FHIT: variants seen among roughly 807,000 people sequenced by gnomAD.
FHIT encodes the protein fragile histidine triad diadenosine triphosphatase, also known as bis(5'-adenosyl)-triphosphatase.
A neutral mutation model predicts 17.9 loss-of-function variants in FHIT; 19 were observed. The ratio of observed to expected loss-of-function variants is 1.06; its 90% CI spans 0.74 to 1.56. FHIT has a LOEUF of 1.56. Among genes scored for constraint, FHIT ranks in the 40% most tolerant of loss-of-function variants. The pLI is 0.00. For missense variants in FHIT, 248 were observed against 189.2 expected (o/e 1.31, Z -1.82); for synonymous variants, 81 against 69.7 (o/e 1.16, Z -0.81).
intron 4 of FHIT, among the ~76,000 whole-genome samples, chr3:60,581,897 A>G (rs1182218082): frequency 1.3e-5 from 2 of 152,100 alleles, no homozygotes; most frequent in Non-Finnish European, 2.9e-5. Flanking sequence ...AGATTGGATC[A>G]GTAAATTTCC....
intron 5 of FHIT, chr3:60,077,313 C>G (rs879851650): frequency 8.6e-5 from 13 of 151,816 alleles, no homozygotes; most frequent in Non-Finnish European, 1.8e-4. Context: ...GCATGTATTG[C>G]CTACCTCTAC....
chr3:60,073,790 A>T (rs1406251599), intron 5 of FHIT, among the ~76,000 whole-genome samples: 1 of 152,102 alleles, frequency 6.6e-6, no homozygotes, highest in Non-Finnish European at 1.5e-5. Flanking sequence ...TTGTAATATT[A>T]TTCTCAGCTG....
intron 5 of FHIT, among the ~76,000 whole-genome samples, chr3:60,235,598 C>T (rs565050542): frequency 2.6e-5 from 4 of 152,252 alleles, no homozygotes; most frequent in South Asian, 2.1e-4. Flanking sequence ...ACATTGTATA[C>T]AGACTCAGAC....
At chr3:60,443,048 G>C (rs1345382395) in intron 5 of FHIT, among the ~76,000 whole-genome samples, 2 of 152,126 alleles carry the variant, frequency 1.3e-5, no homozygotes, top group Non-Finnish European at 2.9e-5. Context: ...GTGAATGGGA[G>C]TTCACTCATG....
At chr3:60,594,952 A>T (rs2038210074) in intron 4 of FHIT, among the ~76,000 whole-genome samples, 1 of 151,966 alleles carries the variant, frequency 6.6e-6, no homozygotes, top group Admixed American at 6.6e-5. Flanking sequence ...TTTCCTCATT[A>T]TTTCTATTCC....
At chr3:59,945,494 CT>C (rs1338491487) in intron 7 of FHIT, among the ~76,000 whole-genome samples, 1 of 148,954 alleles carries the variant, frequency 6.7e-6, no homozygotes, top group Non-Finnish European at 1.5e-5. Flanking sequence ...TTGATAGTTT[CT>C]TTTGCTATGC....
intron 5 of FHIT, among the ~76,000 whole-genome samples, chr3:60,052,410 T>A (rs1010223173): frequency 6.6e-6 from 1 of 152,158 alleles, no homozygotes; most frequent in Admixed American, 6.6e-5. Context: ...GCAAATGTAC[T>A]TCTTGGTAAC....
intron 5 of FHIT, among the ~76,000 whole-genome samples, chr3:60,397,601 A>G (rs1315437967): frequency 6.6e-6 from 1 of 152,076 alleles, no homozygotes; most frequent in Non-Finnish European, 1.5e-5. Flanking sequence ...ACAACAAGAG[A>G]CCTCAGTGGC....
intron 5 of FHIT, among the ~76,000 whole-genome samples, chr3:60,172,120 A>G (rs55821777): frequency 0.058 from 8,797 of 152,266 alleles, 840 homozygotes; most frequent in African/African-American, 0.2. Context: ...TTAATACAAC[A>G]AAAGGCGCAT....
chr3:61,064,769 A>G (rs568523325), intron 2 of FHIT, among the ~76,000 whole-genome samples: 5 of 152,256 alleles, frequency 3.3e-5, no homozygotes, highest in African/African-American at 1.2e-4. Flanking sequence ...AGCAAGGACT[A>G]AATTGCTCTC....
intron 5 of FHIT, among the ~76,000 whole-genome samples, chr3:60,249,329 C>T (rs1460984077): frequency 1.3e-5 from 2 of 152,130 alleles, no homozygotes; most frequent in African/African-American, 2.4e-5. Flanking sequence ...TTTGACACAC[C>T]GAGTATCTAT....
chr3:61,032,630 T>C (rs1445065853), intron 3 of FHIT, among the ~76,000 whole-genome samples: 2 of 152,116 alleles, frequency 1.3e-5, no homozygotes, highest in Non-Finnish European at 2.9e-5. Context: ...CTAATAGACC[T>C]AAACAATCAG....
At chr3:61,178,423 T>C (rs1036928066) in intron 2 of FHIT, among the ~76,000 whole-genome samples, 7 of 151,098 alleles carry the variant, frequency 4.6e-5, no homozygotes, top group East Asian at 1.9e-4. Context: ...GTGGTGGGCA[T>C]TGGGGATAAG....
intron 7 of FHIT, among the ~76,000 whole-genome samples, chr3:59,922,990 T>C (rs1705481150): frequency 6.6e-6 from 1 of 152,036 alleles, no homozygotes; most frequent in African/African-American, 2.4e-5. Flanking sequence ...CCGGGCACGG[T>C]GGCTCATGCC....
At position 60,009,391 on chromosome 3, in the gene FHIT, C is replaced by G. The variant is rs141792155; in HGVS notation, c.279+1980G>C. On this transcript the variant is annotated intron_variant, in intron 7 of 9. Transcript: ENST00000492590. ...AACAGAATCGTTTTAAAAAGTTCAA[C>G]TTAAGCTAAATAATCAGGGTGATGA... is the stretch of plus-strand genomic sequence containing the variant. 1.3e-3 allele frequency among the ~76,000 whole-genome samples: 193 copies of G among 152,236 alleles called. 1 individual carries two copies. Among genetic ancestry groups the G allele is most frequent in the African/African-American group, 4.1e-3 (169 of 41,546 alleles).
At chr3:60,092,288 G>C (rs186934817) in intron 5 of FHIT, among the ~76,000 whole-genome samples, 1 of 152,220 alleles carries the variant, frequency 6.6e-6, no homozygotes, top group African/African-American at 2.4e-5. Context: ...TGTGAGTTTT[G>C]ATTACATAAA....
chr3:60,216,051 AAG>A (rs1397838102), intron 5 of FHIT, among the ~76,000 whole-genome samples: 1 of 152,190 alleles, frequency 6.6e-6, no homozygotes, highest in Non-Finnish European at 1.5e-5. Context: ...AGATGGCAAT[AAG>A]AAAGTATTTT....
chr3:61,044,272 G>A (rs2033673841), intron 2 of FHIT, among the ~76,000 whole-genome samples: 1 of 152,204 alleles, frequency 6.6e-6, no homozygotes, highest in African/African-American at 2.4e-5. Context: ...AATAACCAGT[G>A]TAGAGAAGTC....
At chr3:60,009,078 A>G (rs1034196124) in intron 7 of FHIT, among the ~76,000 whole-genome samples, 3 of 152,028 alleles carry the variant, frequency 2.0e-5, no homozygotes, top group Non-Finnish European at 4.4e-5. Context: ...CAAAGATCGC[A>G]TTTTGAAAAG....
Sources: allele counts gnomAD v4.1 joint callset (sites outside exome capture counted in the v4.1 genomes callset), GRCh38; gene constraint gnomAD v4.1.1; transcripts MANE v1.5; gene names NCBI Gene and HGNC (gene_info 2026-07-23, HGNC 2026-07-21).